Variants in SLC13A1 observed in about 807,000 individuals in gnomAD.
SLC13A1 encodes the protein solute carrier family 13 member 1.
A neutral mutation model predicts 70.0 loss-of-function variants in SLC13A1; 65 were observed. That is an observed-to-expected ratio of 0.93 (90% CI 0.76 to 1.14). The LOEUF (loss-of-function observed/expected upper bound fraction) is 1.14. SLC13A1 is among the 50% of genes most tolerant of loss of function. The pLI, the probability that SLC13A1 is intolerant of heterozygous loss-of-function variation, is 0.00. For missense variants in SLC13A1, 726 were observed against 717.8 expected, an observed-to-expected ratio of 1.01 and a Z score of -0.13; for synonymous variants, 275 against 250.5, an observed-to-expected ratio of 1.10 and a Z score of -0.92.
At chr7:123,120,496 A>G (rs976663801) in intron 12 of SLC13A1, among the ~76,000 whole-genome samples, 15 of 152,020 alleles carry the variant, frequency 9.9e-5, no homozygotes, top group African/African-American at 3.6e-4. Flanking sequence ...CTATACTCAG[A>G]TTAGCAAGGA....
intron 6 of SLC13A1, among the ~76,000 whole-genome samples, chr7:123,152,391 T>A (rs978201917): frequency 1.5e-4 from 23 of 152,090 alleles, no homozygotes; most frequent in African/African-American, 5.3e-4. Flanking sequence ...GATCACATGG[T>A]ACTTCTATTT....
At chr7:123,120,662 G>T (rs1240383695) in intron 12 of SLC13A1, among the ~76,000 whole-genome samples, 2 of 152,058 alleles carry the variant, frequency 1.3e-5, no homozygotes, top group Non-Finnish European at 2.9e-5. Flanking sequence ...AGCTGGCACA[G>T]AAATTCCTAG....
rs114700035 is a variant in SLC13A1, at chr7:123,156,016, G to C, written c.661-8706C>G. Reference sequence around the variant, plus strand: ...GAAGCTGTTGCATCCATGTGGATTTGAGGAAGAAAGTAGAAGATTTAACTG... The same window carrying C: ...GAAGCTGTTGCATCCATGTGGATTTCAGGAAGAAAGTAGAAGATTTAACTG... On this transcript the variant is annotated intron_variant, in intron 6 of 14. Coordinates refer to ENST00000194130, the MANE Select transcript of SLC13A1 (RefSeq NM_022444.4). Among the ~76,000 whole-genome samples the C allele has an allele frequency of 2.7e-3, 406 of 152,222 alleles. 2 individuals are homozygous for C. Among genetic ancestry groups the C allele is most frequent in the African/African-American group, 8.9e-3 (369 of 41,552 alleles).
At chr7:123,125,315 C>T (rs1022364574) in intron 11 of SLC13A1, among the ~76,000 whole-genome samples, 11 of 152,100 alleles carry the variant, frequency 7.2e-5, no homozygotes, top group African/African-American at 2.2e-4. Context: ...CAAATAGTAT[C>T]GCTTGTAGCA....
intron 2 of SLC13A1, among the ~76,000 whole-genome samples, chr7:123,177,149 T>G (rs998049742): frequency 2.6e-5 from 4 of 152,122 alleles, no homozygotes; most frequent in Non-Finnish European, 5.9e-5. Context: ...ACTTCCCATC[T>G]TCCTCCCATT....
chr7:123,159,113 A>C (rs936907023), intron 6 of SLC13A1, among the ~76,000 whole-genome samples: 32 of 152,280 alleles, frequency 2.1e-4, no homozygotes, highest in African/African-American at 7.7e-4. Flanking sequence ...ATGGCATGTA[A>C]ATAGAAAGCG....
intron 2 of SLC13A1, among the ~76,000 whole-genome samples, chr7:123,176,299 G>T (rs1182463699): frequency 6.6e-6 from 1 of 152,118 alleles, no homozygotes; most frequent in Non-Finnish European, 1.5e-5. Context: ...GTTTGTTTAT[G>T]GCCTACTTGT....
chr7:123,189,279 G>A (rs899725447), intron 1 of SLC13A1, among the ~76,000 whole-genome samples: 3 of 150,720 alleles, frequency 2.0e-5, no homozygotes, highest in African/African-American at 4.9e-5. Context: ...TTTTTAAATT[G>A]AATGAGCTCA....
intron 6 of SLC13A1, among the ~76,000 whole-genome samples, chr7:123,166,151 G>A (rs13232637): frequency 0.026 from 3,959 of 152,050 alleles, 85 homozygotes; most frequent in Non-Finnish European, 0.041. Flanking sequence ...TTATAAGTCC[G>A]TCTTGTCCAC....
intron 8 of SLC13A1, among the ~76,000 whole-genome samples, chr7:123,133,430 C>T (rs1486458903): frequency 1.3e-5 from 2 of 152,186 alleles, no homozygotes; most frequent in African/African-American, 2.4e-5. Context: ...TAAAATTCCC[C>T]TTTAACAAGT....
At chr7:123,117,429 G>C (rs1793215289) in intron 14 of SLC13A1, 42 bp downstream of exon 14, 1 of 1,594,816 alleles carries the variant, frequency 6.3e-7, no homozygotes, top group East Asian at 2.2e-5. Context: ...CACACACCAA[G>C]ATGTGTATTG....
intron 8 of SLC13A1, among the ~76,000 whole-genome samples, chr7:123,133,410 G>A (rs1312718670): frequency 6.7e-6 from 1 of 149,212 alleles, no homozygotes; most frequent in Non-Finnish European, 1.5e-5. Context: ...CCAAGTGGAG[G>A]GGCAAACCTT....
At chr7:123,152,009 AAATCTGAAAGATTTTGT>A (rs997307951) in intron 6 of SLC13A1, among the ~76,000 whole-genome samples, 2 of 141,818 alleles carry the variant, frequency 1.4e-5, no homozygotes, top group Non-Finnish European at 3.2e-5. Flanking sequence ...GCAGCCTACA[AAATCTGAAAGATTTTGT>A]AATCTAAAAG....
intron 2 of SLC13A1, among the ~76,000 whole-genome samples, chr7:123,176,882 A>C (rs1011267327): frequency 6.6e-6 from 1 of 152,088 alleles, no homozygotes; most frequent in African/African-American, 2.4e-5. Flanking sequence ...TGCAGAGGTC[A>C]GTTCTTTGTC....
At chr7:123,115,760 G>T (rs887695612) in intron 14 of SLC13A1, 105 bp from the exon 15 acceptor site, 1 of 1,135,336 alleles carries the variant, frequency 8.8e-7, no homozygotes, top group East Asian at 2.5e-5. Context: ...CATCCTAAAT[G>T]ATTAGTATAA....
chr7:123,123,431 C>A (rs76091399), intron 11 of SLC13A1, among the ~76,000 whole-genome samples, 196 bp from the exon 12 acceptor site: 94 of 152,130 alleles, frequency 6.2e-4, no homozygotes, highest in African/African-American at 2.2e-3. Context: ...AGAGAAAACT[C>A]CATAACTTAA....
At chr7:123,129,563 G>T in intron 8 of SLC13A1, 82 bp from the exon 9 acceptor site, 1 of 981,698 alleles carries the variant, frequency 1.0e-6, no homozygotes, top group Non-Finnish European at 1.6e-6. Flanking sequence ...GTAAAACGTT[G>T]TCATCTTCAC....
chr7:123,140,022 C>T (rs2116372367), intron 7 of SLC13A1, among the ~76,000 whole-genome samples: 1 of 151,884 alleles, frequency 6.6e-6, no homozygotes, highest in East Asian at 1.9e-4. Context: ...GGTTTTTTTA[C>T]CCATTCAGTA....
chr7:123,146,899 G>C (rs1187107164), intron 7 of SLC13A1, among the ~76,000 whole-genome samples: 1 of 152,096 alleles, frequency 6.6e-6, no homozygotes, highest in Non-Finnish European at 1.5e-5. Flanking sequence ...TGTTTTTCCT[G>C]TTTGTTAAGG....
Sources: gnomAD v4.1 joint callset for allele counts (sites outside exome capture counted in the v4.1 genomes callset) on GRCh38, gnomAD v4.1.1 for gene constraint, MANE v1.5 for transcripts, NCBI Gene and HGNC (gene_info 2026-07-23, HGNC 2026-07-21) for gene names.